Variants in MAP4 observed in about 807,000 individuals in gnomAD.
MAP4 encodes microtubule-associated protein 4.
A neutral mutation model predicts 170.2 loss-of-function variants in MAP4; 76 were observed. The observed-to-expected ratio is 0.45, with a 90% CI of 0.37 to 0.54. The LOEUF is 0.54. Among genes scored for constraint, MAP4 ranks in the 20% least tolerant of loss-of-function variants. MAP4 has a pLI of 0.00. For missense variants in MAP4, 2,506 were observed against 2,748.0 expected, an observed-to-expected ratio of 0.91 and a Z score of 1.97; for synonymous variants, 909 against 994.5, an observed-to-expected ratio of 0.91 and a Z score of 1.62.
At chr3:48,087,777 A>ACACACT (rs1188261294) in intron 1 of MAP4, among the ~76,000 whole-genome samples, 1 of 150,350 alleles carries the variant, frequency 6.7e-6, no homozygotes, top group African/African-American at 2.4e-5. Context: ...ACACACACAC[A>ACACACT]CTGCAAGAAA....
chr3:47,915,808 T>A, intron 7 of MAP4, 143 bp downstream of exon 7: 1 of 816,154 alleles, frequency 1.2e-6, no homozygotes, highest in Non-Finnish European at 1.8e-6. Context: ...CGGGAAAGAG[T>A]TGTCTAGGAG....
At chr3:48,002,991 A>AATTAATT (rs1559772840) in intron 1 of MAP4, among the ~76,000 whole-genome samples, 3 of 150,546 alleles carry the variant, frequency 2.0e-5, no homozygotes, top group African/African-American at 7.4e-5. Context: ...ATAAATAAAT[A>AATTAATT]AATTTAATTC....
intron 1 of MAP4, among the ~76,000 whole-genome samples, chr3:48,059,939 C>T (rs2100134325): frequency 6.6e-6 from 1 of 150,708 alleles, no homozygotes; most frequent in African/African-American, 2.4e-5. Context: ...TGCCACTGCA[C>T]TCTGGCCTGG....
At chr3:47,917,626 T>C (rs1028400316) in intron 6 of MAP4, among the ~76,000 whole-genome samples, 1 of 149,454 alleles carries the variant, frequency 6.7e-6, no homozygotes, top group African/African-American at 2.5e-5. Flanking sequence ...TAATGTCAAG[T>C]AACATATTCT....
At chr3:48,019,124 G>A (rs894922946), upstream of MAP4, among the ~76,000 whole-genome samples, 2 of 152,164 alleles carry the variant, frequency 1.3e-5, no homozygotes, top group Admixed American at 1.3e-4. Flanking sequence ...GACCACTTGA[G>A]CCCAGGAATT....
At chr3:47,884,261 C>T (rs528153393) in intron 10 of MAP4, among the ~76,000 whole-genome samples, 1 of 152,298 alleles carries the variant, frequency 6.6e-6, no homozygotes, top group African/African-American at 2.4e-5. Context: ...CTGTTATCTG[C>T]AGTCTGCTGC....
chr3:47,908,192 A>C (rs2100034129), intron 9 of MAP4, among the ~76,000 whole-genome samples: 1 of 149,008 alleles, frequency 6.7e-6, no homozygotes, highest in South Asian at 2.1e-4. Context: ...CCACGATTAA[A>C]TGTATACTTT....
rs114370115 is a variant in MAP4, at chr3:47,987,561, G to A, written c.224-9628C>T. 1.5e-4 allele frequency: 83 copies of A among 541,552 alleles called. 1 individual carries two copies. Among genetic ancestry groups the A allele is most frequent in the African/African-American group, 1.3e-3 (71 of 53,278 alleles). 33.5% of individuals were successfully genotyped at this position (541,552 alleles called of 1,614,324 possible). A position where few individuals can be genotyped will look rare whatever the true frequency, so the allele number is the denominator to read the frequency against. The stretch of plus-strand genomic sequence containing the variant: ...TAACATCAACCTCCAGCCCAGAACC[G>A]TCCTCCAAACTCCGGACTCCTTATC... On this transcript the variant is annotated intron_variant, in intron 2 of 20. Transcript: ENST00000683076.
In MAP4 at chr3:47,867,131, G is replaced by C. The variant is rs557984811; in HGVS notation, c.6501+115C>G. On this transcript the variant is annotated intron_variant, in intron 17 of 20. Transcript: ENST00000683076. ...TCACTTTGCTAGTCTGCTTCTTACAGAACGCTACAGCTCAGGTCACTGGGA... is the reference window on the plus strand; with the variant it reads ...TCACTTTGCTAGTCTGCTTCTTACACAACGCTACAGCTCAGGTCACTGGGA... 5.4e-5 allele frequency: 38 copies of C among 701,594 alleles called. No individual in the cohort carries two copies. In the South Asian group the frequency reaches 6.6e-4, roughly 12 times the overall value. 43.5% of individuals were successfully genotyped at this position (701,594 alleles called of 1,614,324 possible).
chr3:47,880,889 T>C (rs372936084), intron 10 of MAP4, among the ~76,000 whole-genome samples: 96 of 152,176 alleles, frequency 6.3e-4, no homozygotes, highest in African/African-American at 2.2e-3. Context: ...TCAATGTTTA[T>C]GAGATTTTGT....
intron 3 of MAP4, among the ~76,000 whole-genome samples, chr3:47,944,812 A>C (rs371175389): frequency 8.2e-4 from 124 of 151,998 alleles, no homozygotes; most frequent in African/African-American, 3.0e-3. Context: ...AAATAAATTT[A>C]GATTCTAATT....
chr3:47,956,419 G>C (rs2100067866), intron 3 of MAP4, among the ~76,000 whole-genome samples: 1 of 152,250 alleles, frequency 6.6e-6, no homozygotes, highest in African/African-American at 2.4e-5. Context: ...CCCATTTAAA[G>C]AGGTAGGACT....
chr3:47,880,108 CTT>C (rs879431942), intron 10 of MAP4, among the ~76,000 whole-genome samples: 1 of 146,886 alleles, frequency 6.8e-6, no homozygotes. Flanking sequence ...TAACAGATTA[CTT>C]TTTTTTTTTG....
chr3:48,040,058 G>A (rs2100120837), intron 1 of MAP4, among the ~76,000 whole-genome samples: 1 of 152,048 alleles, frequency 6.6e-6, no homozygotes, highest in African/African-American at 2.4e-5. Context: ...CTATACAAGT[G>A]ACATATGCAG....
chr3:47,906,292 G>A (rs547160605), intron 9 of MAP4, among the ~76,000 whole-genome samples: 79 of 151,912 alleles, frequency 5.2e-4, no homozygotes, highest in Non-Finnish European at 9.7e-4. Context: ...TTACACAGAC[G>A]CACACACATG....
intron 10 of MAP4, among the ~76,000 whole-genome samples, chr3:47,881,663 T>C (rs919970659): frequency 2.6e-5 from 4 of 151,352 alleles, no homozygotes; most frequent in Non-Finnish European, 5.9e-5. Flanking sequence ...ACAGGTGTGA[T>C]CATGGCTGAC....
intron 10 of MAP4, among the ~76,000 whole-genome samples, chr3:47,896,301 G>A (rs970424078): frequency 5.9e-5 from 9 of 151,924 alleles, no homozygotes; most frequent in South Asian, 4.2e-4. Context: ...AGGCCGAGGC[G>A]GGAGGATCAC....
chr3:48,014,658 CA>C (rs1263257811), intron 1 of MAP4, among the ~76,000 whole-genome samples: 94 of 140,850 alleles, frequency 6.7e-4, no homozygotes, highest in Non-Finnish European at 5.9e-4. Flanking sequence ...AACCCTGACT[CA>C]AAAAAAAAAA....
At chr3:48,084,944 C>T (rs1194139577) in intron 1 of MAP4, among the ~76,000 whole-genome samples, 2 of 151,746 alleles carry the variant, frequency 1.3e-5, no homozygotes, top group Admixed American at 1.3e-4. Flanking sequence ...GCCCTACAAT[C>T]CCCCTTCTTA....
Sources: gnomAD v4.1 joint callset for allele counts (sites outside exome capture counted in the v4.1 genomes callset) on GRCh38, gnomAD v4.1.1 for gene constraint, MANE v1.5 for transcripts, NCBI Gene and HGNC (gene_info 2026-07-23, HGNC 2026-07-21) for gene names.